Variants in CPT1A observed in about 807,000 individuals in gnomAD.
CPT1A encodes carnitine palmitoyltransferase 1A, also known as carnitine O-palmitoyltransferase 1, liver isoform.
CPT1A carries 64 observed loss-of-function variants against 100.8 expected under a neutral mutation model. The observed-to-expected ratio is 0.63, with a 90% CI of 0.52 to 0.78. The LOEUF (loss-of-function observed/expected upper bound fraction) is 0.78, where lower values mean the gene tolerates loss of function less well. CPT1A is among the 30% of genes least tolerant of loss of function. CPT1A has a pLI of 0.00. For synonymous variants in CPT1A, 363 were observed against 396.0 expected, an observed-to-expected ratio of 0.92 and a Z score of 0.99; for missense variants, 802 against 1,034.1, an observed-to-expected ratio of 0.78 and a Z score of 3.08.
chr11:68,816,283 G>C (rs1307102281), intron 1 of CPT1A, among the ~76,000 whole-genome samples: 1 of 152,220 alleles, frequency 6.6e-6, no homozygotes, highest in East Asian at 1.9e-4. Context: ...AACTGTTCTA[G>C]GGTTTCGGAG....
chr11:68,804,235 A>G, intron 4 of CPT1A, 134 bp from the exon 5 acceptor site: 3 of 719,990 alleles, frequency 4.2e-6, no homozygotes, highest in Non-Finnish European at 7.5e-6. Flanking sequence ...TTTCAAAGAC[A>G]AGGCTATGTT....
Position 68,762,757 on chromosome 11 carries a change from A to G in CPT1A, c.1745T>C (p.Met582Thr), listed in dbSNP as rs369312504. 2.0e-5 allele frequency: 33 copies of G among 1,614,128 alleles called. No homozygotes were observed. The highest frequency in any genetic ancestry group is 2.7e-5 in the Non-Finnish European group (32 of 1,180,040). The change falls in exon 15 of 19, where the codon ATG becomes ACG. Residue 582 changes from methionine (M) to threonine (T), a missense_variant. By Grantham distance (81) the Met-to-Thr change is moderately conservative. This residue lies in a region of CPT1A where 627 missense variants were observed against 799.3 expected (regional missense o/e 0.78). Coordinates refer to ENST00000265641, the MANE Select transcript of CPT1A (RefSeq NM_001876.4). ...LALQLAHYKD[M>T]GKFCLTYEAS... The stretch of plus-strand genomic sequence containing the variant: ...CTCGTATGTGAGGCAAAACTTGCCC[A>G]TGTCCTGGGGAAAGAGAAGTACTTC...
chr11:68,835,918 G>C (rs556884534), intron 1 of CPT1A, among the ~76,000 whole-genome samples: 1 of 152,346 alleles, frequency 6.6e-6, no homozygotes, highest in Admixed American at 6.5e-5. Context: ...GGACGTGGCA[G>C]CCAGCTCTGA....
rs1370334438 is a variant in CPT1A, at chr11:68,807,502, G to A, written c.418C>T (p.His140Tyr). The A allele has an allele frequency of 8.7e-6, 14 of 1,614,024 alleles. No individual in the cohort carries two copies. Among genetic ancestry groups the A allele is most frequent in the Non-Finnish European group, 1.2e-5 (14 of 1,180,030 alleles). ...TTGGTGGCACGACTCATCTTGCCGTGCTCAGTGAACATCCACCCGTGGTAG... is the reference window on the plus strand; with the variant it reads ...TTGGTGGCACGACTCATCTTGCCGTACTCAGTGAACATCCACCCGTGGTAG... Reference protein sequence around the residue: ...LSYHGWMFTEHGKMSRATKIW... With the variant: ...LSYHGWMFTEYGKMSRATKIW... Residue 140 changes from histidine to tyrosine, a missense_variant, in exon 4 of 19, where the codon CAC (histidine) becomes TAC (tyrosine). His to Tyr is a moderately conservative substitution (Grantham distance 83). Around this residue, in one of 4 missense-constraint regions of CPT1A, gnomAD observed 161 missense variants for 183.7 expected, o/e 0.88. Transcript: ENST00000265641.
chr11:68,810,934 G>A (rs531991205), intron 3 of CPT1A, among the ~76,000 whole-genome samples: 1 of 152,156 alleles, frequency 6.6e-6, no homozygotes, highest in East Asian at 1.9e-4. Flanking sequence ...GCAGTGAGCC[G>A]AGATCGCACC....
Position 68,812,595 on chromosome 11 carries a change from G to A in CPT1A, c.142-19C>T, listed in dbSNP as rs1856247938. The A allele has an allele frequency of 1.2e-6, 2 of 1,613,922 alleles. No homozygotes were observed. Among genetic ancestry groups the A allele is most frequent in the Non-Finnish European group, 1.7e-6 (2 of 1,179,904 alleles). On this transcript the variant is annotated intron_variant, in intron 2 of 18. Transcript: ENST00000265641. Reference sequence around the variant, plus strand: ...TGCCGTTCTAAAGACAGACACCCGGGCCGTGAGCGGTGTCCTCCCACAACC... The same window carrying A: ...TGCCGTTCTAAAGACAGACACCCGGACCGTGAGCGGTGTCCTCCCACAACC...
In CPT1A at chr11:68,803,955, C is replaced by T. The variant is rs766362237; in HGVS notation, c.555+45G>A. The T allele has an allele frequency of 5.5e-6, 8 of 1,455,968 alleles. No individual in the cohort carries two copies. In the Admixed American group the frequency reaches 1.2e-4, roughly 21 times the overall value. 90.2% of individuals were successfully genotyped at this position (1,455,968 alleles called of 1,614,324 possible). A position where few individuals can be genotyped will look rare whatever the true frequency, so the allele number is the denominator to read the frequency against. On this transcript the variant is annotated intron_variant, in intron 5 of 18. Transcript: ENST00000265641. ...TCATAATTAAGACCTAAGCCTTAAT[C>T]CACAGATGGCTGGCATTTCAGTGTG...
At chr11:68,768,212 A>G (rs1254156279) in intron 14 of CPT1A, among the ~76,000 whole-genome samples, 3 of 150,376 alleles carry the variant, frequency 2.0e-5, no homozygotes, top group African/African-American at 4.9e-5. Flanking sequence ...AGTAGCTGGG[A>G]GTACAGGCGC....
At chr11:68,777,946 G>A (rs952856401) in intron 12 of CPT1A, among the ~76,000 whole-genome samples, 1 of 152,160 alleles carries the variant, frequency 6.6e-6, no homozygotes, top group Non-Finnish European at 1.5e-5. Flanking sequence ...GCGCTCTGTA[G>A]CTAAAAGGCT....
At chr11:68,759,408 AT>A (rs199577537) in intron 18 of CPT1A, among the ~76,000 whole-genome samples, 160 bp downstream of exon 18, 28 of 151,270 alleles carry the variant, frequency 1.9e-4, no homozygotes, top group African/African-American at 5.8e-4. Flanking sequence ...AAAAAAAAAA[AT>A]TTTTTTTTAA....
At chr11:68,798,327 G>A (rs1475007351) in intron 6 of CPT1A, among the ~76,000 whole-genome samples, 1 of 152,222 alleles carries the variant, frequency 6.6e-6, no homozygotes, top group Non-Finnish European at 1.5e-5. Flanking sequence ...CAGCACACCG[G>A]TGCAGCCAGC....
chr11:68,799,153 C>A (rs1397623873), intron 6 of CPT1A, 65 bp downstream of exon 6: 2 of 1,438,864 alleles, frequency 1.4e-6, no homozygotes, highest in Non-Finnish European at 1.9e-6. Flanking sequence ...GTTATCCCTG[C>A]CCCTCAAAAT....
intron 14 of CPT1A, among the ~76,000 whole-genome samples, chr11:68,772,015 T>TG (rs901425134): frequency 1.2e-4 from 18 of 152,024 alleles, no homozygotes; most frequent in African/African-American, 2.4e-4. Flanking sequence ...TTACCAAGGT[T>TG]GGGGGGGCAG....
chr11:68,799,345 G>A lies in CPT1A; in HGVS notation c.566C>T (p.Ser189Leu), dbSNP rs2154000201. ...VKDTVNRYLQ[S>L]VRPLMKEEDF... is the part of the protein sequence containing the mutation. ...TTCTTCCTTCATAAGAGGCCTCACC[G>A]ACTGTAGATACTGGGATTATTGGGG... Residue 189 changes from serine (S) to leucine (L), a missense_variant, in exon 6 of 19, where the codon TCG (serine) becomes TTG (leucine). Physicochemically the swap from Ser to Leu is moderately radical, Grantham distance 145. Around this residue, in one of 4 missense-constraint regions of CPT1A, gnomAD observed 627 missense variants for 799.3 expected, o/e 0.78. Transcript: ENST00000265641. The A allele has an allele frequency of 6.2e-7, 1 of 1,613,632 alleles. No homozygotes were observed. Among genetic ancestry groups the A allele is most frequent in the East Asian group, 2.2e-5 (1 of 44,878 alleles).
At chr11:68,781,050 C>T (rs1052560638) in intron 11 of CPT1A, among the ~76,000 whole-genome samples, 1 of 152,208 alleles carries the variant, frequency 6.6e-6, no homozygotes, top group Non-Finnish European at 1.5e-5. Flanking sequence ...CACATGACCC[C>T]TTCATCAGCC....
chr11:68,817,170 G>T (rs1156761612), intron 1 of CPT1A, among the ~76,000 whole-genome samples: 3 of 145,172 alleles, frequency 2.1e-5, no homozygotes, highest in Non-Finnish European at 3.0e-5. Flanking sequence ...TGTGTGTGTG[G>T]TGTGTGTGTG....
At chr11:68,768,066 C>CTTTTTTTTTTTTTTTTTTTTT (rs71043448) in intron 14 of CPT1A, among the ~76,000 whole-genome samples, 1 of 71,244 alleles carries the variant, frequency 1.4e-5, no homozygotes, top group African/African-American at 6.1e-5. Flanking sequence ...AGTTTCCAGT[C>CTTTTTTTTTTTTTTTTTTTTT]TTTTTTTTTT....
chr11:68,817,502 C>T (rs1309384531), intron 1 of CPT1A, among the ~76,000 whole-genome samples: 2 of 152,128 alleles, frequency 1.3e-5, no homozygotes, highest in Non-Finnish European at 2.9e-5. Flanking sequence ...ACAAGCAACG[C>T]AGGAGCAGTG....
chr11:68,811,739 A>C (rs1281147887), intron 3 of CPT1A, among the ~76,000 whole-genome samples: 6 of 152,190 alleles, frequency 3.9e-5, no homozygotes, highest in African/African-American at 1.4e-4. Context: ...TGACCTTCCT[A>C]GATGGGAGTC....
Sources: allele counts gnomAD v4.1 joint callset (sites outside exome capture counted in the v4.1 genomes callset), GRCh38; gene constraint gnomAD v4.1.1; regional missense constraint gnomAD v4.1.1; transcripts MANE v1.5; gene names NCBI Gene and HGNC (gene_info 2026-07-23, HGNC 2026-07-21).